The following RADIL variants were observed in gnomAD, a reference collection of about 807,000 sequenced individuals.
RADIL encodes the protein ras-associating and dilute domain-containing protein.
A neutral mutation model predicts 97.6 loss-of-function variants in RADIL; 99 were observed. The observed-to-expected ratio is 1.01, with a 90% CI of 0.86 to 1.20. The LOEUF (loss-of-function observed/expected upper bound fraction) is 1.20, where lower values mean the gene tolerates loss of function less well. Ranked by LOEUF, RADIL falls within the 50% of genes most tolerant of loss-of-function variation. The probability of loss-of-function intolerance (pLI) is 0.00; values close to 1 mark genes in which losing one functional copy is unlikely to be tolerated. For synonymous variants in RADIL, 803 were observed against 691.8 expected, an observed-to-expected ratio of 1.16 and a Z score of -2.52; for missense variants, 1,765 against 1,498.9, an observed-to-expected ratio of 1.18 and a Z score of -2.93.
intron 10 of RADIL, among the ~76,000 whole-genome samples, chr7:4,805,027 G>A (rs986090780): frequency 6.6e-6 from 1 of 152,144 alleles, no homozygotes; most frequent in Non-Finnish European, 1.5e-5. Flanking sequence ...CTGGGAGGTG[G>A]AGGTTGCAGT....
Position 4,803,746 on chromosome 7 carries a change from G to A in RADIL, c.2299C>T (p.Leu767=), listed in dbSNP as rs777358624. 1 of 1,561,922 alleles carries A rather than the reference G, an allele frequency of 6.4e-7. No homozygotes were observed. Among genetic ancestry groups the A allele is most frequent in the Non-Finnish European group, 8.7e-7 (1 of 1,153,560 alleles). The change falls in exon 11 of 15, where the codon CTG becomes TTG. Residue 767 remains leucine, a synonymous_variant. Transcript: ENST00000399583. ...GGTGGGGGGTTTTCGTAGGACTCCAGAACATCCTCTGCAGGGGAGAGAGGA... is the reference window on the plus strand; with the variant it reads ...GGTGGGGGGTTTTCGTAGGACTCCAAAACATCCTCTGCAGGGGAGAGAGGA... The part of the protein sequence containing the change: ...SPEAFRSEDV[L]ESYENPPPIV...
In RADIL at chr7:4,802,890, G is replaced by A. The variant is rs113425372; in HGVS notation, c.2499+656C>T. Among the ~76,000 whole-genome samples, 433 of 102,424 alleles carry A rather than the reference G, an allele frequency of 4.2e-3. 2 individuals are homozygous for A. Among genetic ancestry groups the A allele is most frequent in the African/African-American group, 0.022 (391 of 17,946 alleles). 67.2% of individuals were successfully genotyped at this position (102,424 alleles called of 152,430 possible). ...CACCTCGGGGCACTCTGGCTGGGGG[G>A]CCCCCTCCCCGGGCACCTCGGGGAA... On this transcript the variant is annotated intron_variant, in intron 11 of 14. Transcript: ENST00000399583.
chr7:4,802,887 G>A (rs866122959), intron 11 of RADIL, among the ~76,000 whole-genome samples: 9 of 97,574 alleles, frequency 9.2e-5, no homozygotes, highest in African/African-American at 1.9e-4. Flanking sequence ...CTCTGGCTGG[G>A]GGGCCCCCTC....
chr7:4,865,482 A>G (rs1784110952), intron 2 of RADIL: 1 of 775,670 alleles, frequency 1.3e-6, no homozygotes, highest in Admixed American at 1.7e-5. Context: ...GAAGTAATGT[A>G]ATTCGTAACT....
intron 2 of RADIL, among the ~76,000 whole-genome samples, chr7:4,857,240 T>G (rs1783855095): frequency 6.6e-6 from 1 of 152,220 alleles, no homozygotes; most frequent in Non-Finnish European, 1.5e-5. Context: ...CCTTAATAAT[T>G]ATTTTTGCTC....
At position 4,803,777 on chromosome 7, in the gene RADIL, G is replaced by T. The variant is rs191399881; in HGVS notation, c.2291-23C>A. 2.6e-6 allele frequency: 4 copies of T among 1,537,350 alleles called. No individual in the cohort carries two copies. In the Admixed American group the frequency reaches 5.9e-5, roughly 23 times the overall value. On this transcript the variant is annotated intron_variant, in intron 10 of 14. Coordinates refer to ENST00000399583, the MANE Select transcript of RADIL (RefSeq NM_018059.5). ...CCTCTGCAGGGGAGAGAGGATGCCC[G>T]TAATGGCCACAGGAGAAGCTGCCTC...
intron 2 of RADIL, among the ~76,000 whole-genome samples, chr7:4,869,073 G>A (rs1305801440): frequency 6.6e-6 from 1 of 152,216 alleles, no homozygotes; most frequent in African/African-American, 2.4e-5. Flanking sequence ...GTTGCAGTGA[G>A]CTGAGATTGT....
chr7:4,856,361 C>G (rs572357378), intron 2 of RADIL, among the ~76,000 whole-genome samples: 12 of 152,194 alleles, frequency 7.9e-5, no homozygotes, highest in Non-Finnish European at 1.8e-4. Flanking sequence ...CCACCCGCCT[C>G]GACCTCCCAA....
chr7:4,876,773 T>C (rs1156950033), intron 2 of RADIL, among the ~76,000 whole-genome samples: 1 of 152,188 alleles, frequency 6.6e-6, no homozygotes, highest in Non-Finnish European at 1.5e-5. Flanking sequence ...CGGCTGCCCG[T>C]GGCCAGGCCC....
In RADIL at chr7:4,883,039, T is replaced by C. The variant is rs1185412600; in HGVS notation, c.-65+557A>G. Among the ~76,000 whole-genome samples, 2 of 152,058 alleles carry C rather than the reference T, an allele frequency of 1.3e-5. No homozygotes were observed. The highest frequency in any genetic ancestry group is 2.4e-5 in the African/African-American group (1 of 41,402). ...GCAGTATTTGTCGAGGGGCTGGAAA[T>C]GGTACATAAATAGCCGGGAAACAAT... On this transcript the variant is annotated intron_variant, in intron 1 of 14. Coordinates refer to ENST00000399583, the MANE Select transcript of RADIL (RefSeq NM_018059.5). The surrounding 1 kb of genome is among the most constrained non-coding windows in gnomAD (Gnocchi z 7.1).
chr7:4,805,845 G>A, intron 9 of RADIL, 129 bp from the exon 10 acceptor site: 3 of 1,411,456 alleles, frequency 2.1e-6, no homozygotes, highest in Admixed American at 5.4e-5. Context: ...TCCCACCAGG[G>A]GCCATCTGTG....
intron 5 of RADIL, among the ~76,000 whole-genome samples, chr7:4,823,493 A>G (rs1339124694): frequency 1.3e-5 from 2 of 152,126 alleles, no homozygotes; most frequent in African/African-American, 4.8e-5. Flanking sequence ...CATGGGGTTC[A>G]TTGTTACTCT....
rs769837636 is a variant in RADIL, at chr7:4,836,587, C to T, written c.554G>A (p.Arg185Gln). ...TITAGINAQA[R>Q]RLQRSRAKGT... ...CTTCGCGCGACTCCGCTGCAGCCTCCGGGCCTGGGCGTTTATCCCTGGAAC... is the reference window on the plus strand; with the variant it reads ...CTTCGCGCGACTCCGCTGCAGCCTCTGGGCCTGGGCGTTTATCCCTGGAAC... Residue 185 changes from arginine to glutamine, a missense_variant, in exon 3 of 15, where the codon CGG becomes CAG. By Grantham distance (43) the Arg-to-Gln change is conservative. Transcript: ENST00000399583. 4.4e-6 allele frequency: 7 copies of T among 1,607,106 alleles called. No homozygotes were observed. Among genetic ancestry groups the T allele is most frequent in the South Asian group, 3.3e-5 (3 of 91,040 alleles).
rs938418299 is a variant in RADIL, at chr7:4,849,306, A to G, written c.536-12701T>C. On this transcript the variant is annotated intron_variant, in intron 2 of 14. Transcript: ENST00000399583. The surrounding 1 kb of genome is among the most constrained non-coding windows in gnomAD (Gnocchi z 5.4). The stretch of plus-strand genomic sequence containing the variant: ...TTGCTTTAACTGTGCACATATATAT[A>G]TAACTTTGGTGAAAATAAGTAAAAA... Among the ~76,000 whole-genome samples the G allele has an allele frequency of 6.6e-6, 1 of 152,214 alleles. No homozygotes were observed. The highest frequency in any genetic ancestry group is 1.5e-5 in the Non-Finnish European group (1 of 68,048).
At position 4,798,754 on chromosome 7, in the gene RADIL, G is replaced by A. The variant is rs574701390; in HGVS notation, c.*624C>T. On this transcript the variant is annotated 3_prime_UTR_variant, in exon 15 of 15. Coordinates refer to ENST00000399583, the MANE Select transcript of RADIL (RefSeq NM_018059.5). Reference sequence around the variant, plus strand: ...AGCAGGAGTCCTGGGAGAGGAAGCAGGGCCCAGGGTGGGCTCGGCGCCTCA... The same window carrying A: ...AGCAGGAGTCCTGGGAGAGGAAGCAAGGCCCAGGGTGGGCTCGGCGCCTCA... 1.1e-3 allele frequency: 171 copies of A among 153,250 alleles called. 1 individual carries two copies. The highest frequency in any genetic ancestry group is 1.5e-3 in the Non-Finnish European group (104 of 68,732). 9.5% of individuals were successfully genotyped at this position (153,250 alleles called of 1,614,324 possible). A position where few individuals can be genotyped will look rare whatever the true frequency, so the allele number is the denominator to read the frequency against.
chr7:4,867,710 T>C lies in RADIL; in HGVS notation c.535+9895A>G, dbSNP rs1784161156. On this transcript the variant is annotated intron_variant, in intron 2 of 14. Transcript: ENST00000399583. This position sits in a 1 kb window ranked among gnomAD's most constrained non-coding sequence, Gnocchi z 4.1. Reference sequence around the variant, plus strand: ...GCTTTATAGCTCAATCCCACTTAGGTAAATTAAACATATACAAAATATTAT... The same window carrying C: ...GCTTTATAGCTCAATCCCACTTAGGCAAATTAAACATATACAAAATATTAT... Among the ~76,000 whole-genome samples, 1 of 152,154 alleles carries C rather than the reference T, an allele frequency of 6.6e-6. No individual in the cohort carries two copies. The highest frequency in any genetic ancestry group is 2.1e-4 in the South Asian group (1 of 4,826).
intron 2 of RADIL, chr7:4,861,802 CG>C (rs1784011008): frequency 1.4e-6 from 2 of 1,455,958 alleles, no homozygotes; most frequent in Non-Finnish European, 1.8e-6. Flanking sequence ...TCACCGGAAA[CG>C]GCATCATCTT....
At chr7:4,805,409 C>CGGG (rs34277804) in intron 10 of RADIL, 157 bp downstream of exon 10, 6 of 477,532 alleles carry the variant, frequency 1.3e-5, no homozygotes, top group Non-Finnish European at 1.8e-5. Context: ...TGGGGCGGGG[C>CGGG]GGGGGGGTCC....
chr7:4,816,445 C>T lies in RADIL; in HGVS notation c.1749G>A (p.Pro583=), dbSNP rs115616029. The T allele has an allele frequency of 5.1e-3, 8,196 of 1,607,094 alleles. 118 individuals carry two copies. In the African/African-American group the frequency reaches 0.055, roughly 11 times the overall value. ...GGAATGGCGGGCACTCCAGGAGTGC[C>T]GGGAGGCAGATGTACAGGGACTGGC... ...YVSKSLYICL[P]ALLECPPFQT... Residue 583 remains proline (P), a synonymous_variant, in exon 8 of 15, where the codon CCG becomes CCA. Coordinates refer to ENST00000399583, the MANE Select transcript of RADIL (RefSeq NM_018059.5).
Sources: allele counts gnomAD v4.1 joint callset (sites outside exome capture counted in the v4.1 genomes callset), GRCh38; gene constraint gnomAD v4.1.1; non-coding constraint Gnocchi (gnomAD v3.1); transcripts MANE v1.5; gene names NCBI Gene and HGNC (gene_info 2026-07-23, HGNC 2026-07-21).